Variants in CHODL observed in about 807,000 individuals in gnomAD.
The protein encoded by CHODL is chondrolectin.
Under a neutral mutation model 34.5 loss-of-function variants are expected in CHODL, and 29 were observed. That is an observed-to-expected ratio of 0.84 (90% CI 0.63 to 1.15). The LOEUF is 1.15. CHODL is among the 50% of genes most tolerant of loss of function. The pLI is 0.00. For missense variants in CHODL, 332 were observed against 332.5 expected, an observed-to-expected ratio of 1.00 and a Z score of 0.01; for synonymous variants, 125 against 116.1, an observed-to-expected ratio of 1.08 and a Z score of -0.49.
chr21:18,211,145 C>CACACACAG (rs1456944892), intron 2 of CHODL, among the ~76,000 whole-genome samples: 1 of 137,174 alleles, frequency 7.3e-6, no homozygotes, highest in Non-Finnish European at 1.7e-5. Context: ...CATGGATACA[C>CACACACAG]ACACACACAC....
intron 2 of CHODL, among the ~76,000 whole-genome samples, chr21:18,109,637 A>G (rs571292836): frequency 6.6e-6 from 1 of 151,766 alleles, no homozygotes; most frequent in East Asian, 1.9e-4. Flanking sequence ...TTTTCCCCTC[A>G]TCTTTCTGGA....
At chr21:18,139,589 T>A (rs2072777419) in intron 2 of CHODL, among the ~76,000 whole-genome samples, 1 of 152,102 alleles carries the variant, frequency 6.6e-6, no homozygotes, top group Non-Finnish European at 1.5e-5. Flanking sequence ...GACCACGACC[T>A]CCACTGTGTG....
intron 2 of CHODL, among the ~76,000 whole-genome samples, chr21:18,049,054 A>G (rs2064480875): frequency 6.6e-6 from 1 of 151,922 alleles, no homozygotes; most frequent in Non-Finnish European, 1.5e-5. Flanking sequence ...CAAAATTAGT[A>G]TTTTCTGTTT....
chr21:18,056,983 T>C (rs761369019), intron 2 of CHODL, among the ~76,000 whole-genome samples: 17 of 152,104 alleles, frequency 1.1e-4, no homozygotes, highest in Non-Finnish European at 1.6e-4. Context: ...TCAGGTTTAG[T>C]GTTCTAAATG....
chr21:18,241,522 C>T (rs1161350635), upstream of CHODL, among the ~76,000 whole-genome samples: 1 of 152,148 alleles, frequency 6.6e-6, no homozygotes, highest in African/African-American at 2.4e-5. Context: ...TGTCACTGTT[C>T]GATCTGGAGC....
At chr21:18,063,706 C>CT (rs1398064896) in intron 2 of CHODL, among the ~76,000 whole-genome samples, 1 of 152,082 alleles carries the variant, frequency 6.6e-6, no homozygotes, top group Non-Finnish European at 1.5e-5. Flanking sequence ...TCAAAGAATT[C>CT]TTTTTTGTAT....
intron 1 of CHODL, among the ~76,000 whole-genome samples, chr21:18,014,030 G>GA (rs2064047356): frequency 6.6e-6 from 1 of 152,104 alleles, no homozygotes; most frequent in Non-Finnish European, 1.5e-5. Context: ...GGGATTTGTA[G>GA]AAAACACACA....
intron 2 of CHODL, among the ~76,000 whole-genome samples, chr21:18,206,863 C>CATTATTATTATT (rs138294885): frequency 2.9e-4 from 43 of 146,084 alleles, no homozygotes; most frequent in African/African-American, 1.1e-3. Flanking sequence ...TCTTATAACC[C>CATTATTATTATT]ATTATTATTA....
At chr21:18,021,714 T>G (rs990356388) in intron 1 of CHODL, among the ~76,000 whole-genome samples, 3 of 152,214 alleles carry the variant, frequency 2.0e-5, no homozygotes, top group African/African-American at 7.2e-5. Flanking sequence ...AGATGTTGTA[T>G]AGTAAGTCTG....
intron 1 of CHODL, among the ~76,000 whole-genome samples, chr21:17,933,087 C>G (rs553285048): frequency 2.6e-5 from 4 of 152,332 alleles, no homozygotes; most frequent in Non-Finnish European, 5.9e-5. Context: ...TGCTGCCCGC[C>G]TGTCCCACCT....
At chr21:18,013,394 G>A (rs1001084856) in intron 1 of CHODL, among the ~76,000 whole-genome samples, 3 of 129,960 alleles carry the variant, frequency 2.3e-5, no homozygotes, top group African/African-American at 8.8e-5. Context: ...CAATTGTACA[G>A]TGCTGCCATT....
chr21:18,108,517 G>A (rs1156680068), intron 2 of CHODL, among the ~76,000 whole-genome samples: 2 of 152,186 alleles, frequency 1.3e-5, no homozygotes, highest in East Asian at 1.9e-4. Context: ...AGCCCCAGAT[G>A]AGGGTTAGTG....
At chr21:18,210,939 T>C (rs894947867) in intron 2 of CHODL, among the ~76,000 whole-genome samples, 4 of 152,154 alleles carry the variant, frequency 2.6e-5, no homozygotes, top group African/African-American at 9.7e-5. Flanking sequence ...GTTTGGCACT[T>C]GTTACCTCTC....
At chr21:17,995,040 G>A (rs1475534751) in intron 1 of CHODL, among the ~76,000 whole-genome samples, 1 of 152,130 alleles carries the variant, frequency 6.6e-6, no homozygotes, top group Non-Finnish European at 1.5e-5. Context: ...GGGCCAGAGT[G>A]CTAGGGACCT....
intron 2 of CHODL, among the ~76,000 whole-genome samples, chr21:18,197,548 G>T (rs564232270): frequency 8.8e-4 from 134 of 152,296 alleles, no homozygotes; most frequent in African/African-American, 3.2e-3. Flanking sequence ...CCCGGGATGC[G>T]GAGGTTGCGG....
At chr21:17,971,405 G>A (rs999084982) in intron 1 of CHODL, among the ~76,000 whole-genome samples, 2 of 152,142 alleles carry the variant, frequency 1.3e-5, no homozygotes, top group Admixed American at 6.5e-5. Flanking sequence ...GTTGTTTCCT[G>A]ACTTTTTAAT....
intron 2 of CHODL, among the ~76,000 whole-genome samples, chr21:18,163,437 C>CT (rs1161083819): frequency 3.3e-5 from 5 of 151,884 alleles, no homozygotes; most frequent in South Asian, 2.1e-4. Context: ...TTTCAATTGC[C>CT]TTTTTTTTCC....
At chr21:18,214,959 T>A (rs2073809593) in intron 2 of CHODL, among the ~76,000 whole-genome samples, 1 of 151,980 alleles carries the variant, frequency 6.6e-6, no homozygotes, top group Non-Finnish European at 1.5e-5. Flanking sequence ...TCCAAAAGGA[T>A]AAAAATGGTA....
At chr21:18,194,487 G>A (rs532483055) in intron 2 of CHODL, among the ~76,000 whole-genome samples, 21 of 151,870 alleles carry the variant, frequency 1.4e-4, no homozygotes, top group South Asian at 4.2e-4. Flanking sequence ...ATTTTCTCAC[G>A]GCTATTTATT....
Sources: allele counts gnomAD v4.1 joint callset (sites outside exome capture counted in the v4.1 genomes callset), GRCh38; gene constraint gnomAD v4.1.1; transcripts MANE v1.5; gene names NCBI Gene and HGNC (gene_info 2026-07-23, HGNC 2026-07-21).